Variants in PCGF6 observed in about 807,000 individuals in gnomAD.
The protein encoded by PCGF6 is polycomb group RING finger protein 6.
In PCGF6, 24 loss-of-function variants were observed where a neutral mutation model predicts 45.5. The observed-to-expected ratio is 0.53, with a 90% confidence interval of 0.38 to 0.74. The LOEUF is 0.74. Among genes scored for constraint, PCGF6 ranks in the 30% least tolerant of loss-of-function variants. The probability of loss-of-function intolerance (pLI) is 0.00; values close to 1 mark genes in which losing one functional copy is unlikely to be tolerated. For missense variants in PCGF6, 356 were observed against 443.2 expected (o/e 0.80, Z 1.77); for synonymous variants, 152 against 162.1 (o/e 0.94, Z 0.47).
intron 8 of PCGF6, among the ~76,000 whole-genome samples, chr10:103,324,826 T>C (rs983963511): frequency 7.5e-5 from 11 of 147,428 alleles, no homozygotes; most frequent in Non-Finnish European, 1.0e-4. Context: ...AGATCTCTTT[T>C]AATCCATAAA....
At chr10:103,314,447 G>GT (rs1190487934) in intron 8 of PCGF6, among the ~76,000 whole-genome samples, 175 bp from the exon 9 acceptor site, 5 of 152,102 alleles carry the variant, frequency 3.3e-5, no homozygotes, top group Non-Finnish European at 7.3e-5. Flanking sequence ...AGTAAATAAG[G>GT]TAACATGGGA....
At chr10:103,310,620 A>C (rs1475915839) in intron 9 of PCGF6, among the ~76,000 whole-genome samples, 3 of 152,202 alleles carry the variant, frequency 2.0e-5, no homozygotes, top group African/African-American at 7.2e-5. Context: ...AATTCTTATA[A>C]TATTCACATC....
At chr10:103,340,740 G>A (rs913729431) in intron 6 of PCGF6, among the ~76,000 whole-genome samples, 2 of 151,922 alleles carry the variant, frequency 1.3e-5, no homozygotes, top group African/African-American at 4.8e-5. Flanking sequence ...GGGACTACAG[G>A]TGCATGCCAC....
intron 8 of PCGF6, among the ~76,000 whole-genome samples, chr10:103,317,164 C>T (rs1300612001): frequency 6.6e-6 from 1 of 152,094 alleles, no homozygotes; most frequent in East Asian, 1.9e-4. Context: ...GGGCACGCCA[C>T]CACACTCGGC....
chr10:103,315,639 G>A (rs750643940), intron 8 of PCGF6, among the ~76,000 whole-genome samples: 29 of 152,060 alleles, frequency 1.9e-4, no homozygotes, highest in Non-Finnish European at 4.3e-4. Context: ...GATTACAGGC[G>A]TGAGCCACCG....
chr10:103,328,200 A>G (rs1373911702), intron 7 of PCGF6, among the ~76,000 whole-genome samples: 1 of 152,162 alleles, frequency 6.6e-6, no homozygotes, highest in African/African-American at 2.4e-5. Flanking sequence ...TTACAGGAAA[A>G]GCACAAAGTG....
At chr10:103,342,223 T>C (rs116120213) in intron 6 of PCGF6, among the ~76,000 whole-genome samples, 3,467 of 148,722 alleles carry the variant, frequency 0.023, 59 homozygotes, top group African/African-American at 0.042. Flanking sequence ...AGTGAGCCAC[T>C]GCACCCGGAC....
In PCGF6 at chr10:103,318,046, C is replaced by T. The variant is rs376357621; in HGVS notation, c.910-3774G>A. On this transcript the variant is annotated intron_variant, in intron 8 of 9. Transcript: ENST00000369847. ...TGCTGGGATTACAGGCATGAGCCACCGCACCCAGCTGGGGTTGGTCAGTTT... is the reference window on the plus strand; with the variant it reads ...TGCTGGGATTACAGGCATGAGCCACTGCACCCAGCTGGGGTTGGTCAGTTT... Among the ~76,000 whole-genome samples the T allele has an allele frequency of 4.4e-4, 66 of 151,686 alleles. No homozygotes were observed. The East Asian group carries it at 0.012, about 28-fold the overall frequency.
intron 8 of PCGF6, among the ~76,000 whole-genome samples, chr10:103,315,549 C>T (rs1170552483): frequency 1.2e-4 from 18 of 152,196 alleles, no homozygotes; most frequent in African/African-American, 1.2e-4. Context: ...TTAGTAGAGA[C>T]GGGGTTTCAG....
chr10:103,332,084 G>T (rs556120325), intron 7 of PCGF6, among the ~76,000 whole-genome samples: 1 of 151,934 alleles, frequency 6.6e-6, no homozygotes, highest in Non-Finnish European at 1.5e-5. Flanking sequence ...GAGCCACCGC[G>T]CCCGGCCTAA....
chr10:103,334,054 A>G, intron 6 of PCGF6, 102 bp from the exon 7 acceptor site: 1 of 790,228 alleles, frequency 1.3e-6, no homozygotes. Context: ...AATTCATTGT[A>G]ATTCTAGAAC....
Position 103,348,961 on chromosome 10 carries a change from C to A in PCGF6, c.399G>T (p.Leu133Phe). 6.2e-7 allele frequency: 1 copy of A among 1,613,862 alleles called. No homozygotes were observed. Among genetic ancestry groups the A allele is most frequent in the South Asian group, 1.1e-5 (1 of 91,074 alleles). ...TTAAGTAACCTTTGCAAATGGAACA[C>A]AAGATGTATGGGGTCAGCTCAGAGA... The part of the protein sequence containing the change: ...INLSELTPYI[L>F]CSICKGYLID... Residue 133 changes from leucine to phenylalanine, a missense_variant, in exon 2 of 10, where the codon TTG becomes TTT. Physicochemically the swap from Leu to Phe is conservative, Grantham distance 22 (BLOSUM62 0). Transcript: ENST00000369847.
chr10:103,315,309 C>A (rs2093170832), intron 8 of PCGF6, among the ~76,000 whole-genome samples: 1 of 152,098 alleles, frequency 6.6e-6, no homozygotes. Context: ...CCTTAGCAAC[C>A]CAAGTAGCTG....
intron 1 of PCGF6, among the ~76,000 whole-genome samples, chr10:103,350,157 G>T (rs2093315842): frequency 6.6e-6 from 1 of 151,764 alleles, no homozygotes; most frequent in Non-Finnish European, 1.5e-5. Flanking sequence ...AATTATACAG[G>T]ACAGGCAACG....
intron 8 of PCGF6, among the ~76,000 whole-genome samples, chr10:103,315,504 C>T (rs1592057733): frequency 6.6e-6 from 1 of 152,118 alleles, no homozygotes; most frequent in Admixed American, 6.6e-5. Context: ...GAACTACAGG[C>T]ACCCACCACC....
At chr10:103,346,849 C>T (rs1169187703) in intron 5 of PCGF6, among the ~76,000 whole-genome samples, 1 of 152,194 alleles carries the variant, frequency 6.6e-6, no homozygotes, top group Non-Finnish European at 1.5e-5. Context: ...CATTCCGTGA[C>T]ATTACATCAT....
chr10:103,350,093 C>CA (rs2093315676), intron 1 of PCGF6, among the ~76,000 whole-genome samples: 1 of 150,306 alleles, frequency 6.7e-6, no homozygotes, highest in Non-Finnish European at 1.5e-5. Flanking sequence ...AAAAACAAAA[C>CA]AAAACAAAAC....
chr10:103,314,162 G>C, intron 9 of PCGF6, 24 bp downstream of exon 9: 3 of 1,478,930 alleles, frequency 2.0e-6, no homozygotes, highest in Non-Finnish European at 2.8e-6. Flanking sequence ...TTATCTGTTA[G>C]ACATGGGTAT....
At chr10:103,321,745 T>C (rs964494983) in intron 8 of PCGF6, among the ~76,000 whole-genome samples, 1 of 151,868 alleles carries the variant, frequency 6.6e-6, no homozygotes, top group Non-Finnish European at 1.5e-5. Context: ...AATAATAATA[T>C]ATTGTAATTG....
Sources: allele counts gnomAD v4.1 joint callset (sites outside exome capture counted in the v4.1 genomes callset), GRCh38; gene constraint gnomAD v4.1.1; transcripts MANE v1.5; gene names NCBI Gene and HGNC (gene_info 2026-07-23, HGNC 2026-07-21).